CXorf58: variants seen among roughly 807,000 people sequenced by gnomAD.
CXorf58 encodes chromosome X open reading frame 58.
In CXorf58, 24 loss-of-function variants were observed where a neutral mutation model predicts 26.0. That is an observed-to-expected ratio of 0.92 (90% CI 0.67 to 1.30). The LOEUF (loss-of-function observed/expected upper bound fraction) is 1.30. Among genes scored for constraint, CXorf58 ranks in the 50% most tolerant of loss-of-function variants. The pLI is 0.00. For synonymous variants in CXorf58, 87 were observed against 86.1 expected (o/e 1.01, Z -0.06); for missense variants, 236 against 263.9 (o/e 0.89, Z 0.73).
intron 5 of CXorf58, among the ~76,000 whole-genome samples, chrX:23,921,925 A>G: frequency 9.2e-6 from 1 of 108,617 alleles, no homozygotes; most frequent in Non-Finnish European, 1.9e-5. Flanking sequence ...CTGATCTCGA[A>G]CTCCTGGCCT....
chrX:23,926,482 T>TA (rs764135099), intron 5 of CXorf58, among the ~76,000 whole-genome samples: 2 of 111,907 alleles, frequency 1.8e-5, no homozygotes, highest in South Asian at 7.4e-4. Flanking sequence ...TGTTTCCACT[T>TA]ACCAGCAGTG....
chrX:23,938,623 T>A lies in CXorf58; in HGVS notation c.862T>A (p.Ser288Thr), dbSNP rs779465209. 8.4e-7 allele frequency: 1 copy of A among 1,195,156 alleles called. No individual in the cohort carries two copies. Among genetic ancestry groups the A allele is most frequent in the South Asian group, 1.8e-5 (1 of 55,097 alleles). Residue 288 changes from serine to threonine, a missense_variant, in exon 8 of 9, where the codon TCC (serine) becomes ACC (threonine). Physicochemically the swap from Ser to Thr is moderately conservative, Grantham distance 58 (BLOSUM62 1). Transcript: ENST00000379211. ...QNQVKFLGRR[S>T]KQAQMKVEKM... ...TCAAGTTAAATTTCTGGGTCGTCGA[T>A]CCAAGCAAGCTCAAATGAAAGTTGA...
chrX:23,922,364 A>C (rs939683643), intron 5 of CXorf58, among the ~76,000 whole-genome samples: 7 of 111,320 alleles, frequency 6.3e-5, no homozygotes. Context: ...ACAGAGTGAG[A>C]GTCTGTCTCA....
At chrX:23,930,843 C>T (rs748616463) in intron 6 of CXorf58, among the ~76,000 whole-genome samples, 14 of 111,998 alleles carry the variant, frequency 1.3e-4, no homozygotes, top group Non-Finnish European at 2.6e-4. Flanking sequence ...ATCCTGTCAG[C>T]TCTTCCTCCG....
At chrX:23,933,216 G>A (rs1264845880) in intron 6 of CXorf58, among the ~76,000 whole-genome samples, 1 of 109,874 alleles carries the variant, frequency 9.1e-6, no homozygotes, top group Non-Finnish European at 1.9e-5. Flanking sequence ...ATGTGTATAT[G>A]TGAGTGTGAA....
At chrX:23,911,099 AT>A (rs1404041860) in intron 2 of CXorf58, among the ~76,000 whole-genome samples, 1 of 110,160 alleles carries the variant, frequency 9.1e-6, no homozygotes, top group African/African-American at 3.3e-5. Flanking sequence ...TGTAGCCTGC[AT>A]TTTGCCAGCC....
At chrX:23,924,061 G>A (rs893719327) in intron 5 of CXorf58, among the ~76,000 whole-genome samples, 11 of 111,270 alleles carry the variant, frequency 9.9e-5, no homozygotes, top group African/African-American at 2.0e-4. Context: ...GCAAGACTCC[G>A]TCTCAAAAAA....
intron 3 of CXorf58, among the ~76,000 whole-genome samples, chrX:23,912,096 C>T (rs1184135632): frequency 1.8e-5 from 2 of 110,289 alleles, no homozygotes; most frequent in African/African-American, 6.6e-5. Flanking sequence ...GGACTACAGG[C>T]ACCTGTCACC....
At chrX:23,928,834 A>T (rs866618705) in intron 6 of CXorf58, among the ~76,000 whole-genome samples, 13 of 111,263 alleles carry the variant, frequency 1.2e-4, no homozygotes, top group African/African-American at 3.9e-4. Flanking sequence ...CAATATTGAA[A>T]TTAGGCCAAT....
At chrX:23,930,937 A>C (rs1185768934) in intron 6 of CXorf58, among the ~76,000 whole-genome samples, 1 of 111,419 alleles carries the variant, frequency 9.0e-6, no homozygotes, top group South Asian at 3.7e-4. Context: ...TTTTTTTTTA[A>C]ATAATGCTGT....
chrX:23,937,833 A>G (rs1928332484), intron 7 of CXorf58, among the ~76,000 whole-genome samples: 1 of 111,097 alleles, frequency 9.0e-6, no homozygotes, highest in Non-Finnish European at 1.9e-5. Flanking sequence ...TGGACATAGC[A>G]TCTGATCCCA....
At position 23,938,705 on chromosome X, in the gene CXorf58, G is replaced by T. The variant is rs776221758; in HGVS notation, c.939+5G>T. 1 of 1,123,149 alleles carries T rather than the reference G, an allele frequency of 8.9e-7. No individual in the cohort carries two copies. The allele number at this position is 1,123,149 out of a possible 1,213,427, so 92.6% of individuals were successfully genotyped here. A position where few individuals can be genotyped will look rare whatever the true frequency, so the allele number is the denominator to read the frequency against. ...AAAAATACTTCTGAGGTGACTGTAA[G>T]TTTAACTTGTACTGAATTCATTGTT... On this transcript the variant is annotated splice_donor_5th_base_variant and intron_variant, in intron 8 of 8. Coordinates refer to ENST00000379211, the MANE Select transcript of CXorf58 (RefSeq NM_152761.3).
At chrX:23,910,079 A>G (rs1927533307) in intron 1 of CXorf58, among the ~76,000 whole-genome samples, 1 of 111,965 alleles carries the variant, frequency 8.9e-6, no homozygotes, top group South Asian at 3.6e-4. Context: ...AAGGCTATGG[A>G]TAGATTTACT....
At position 23,935,233 on chromosome X, in the gene CXorf58, G is replaced by A. The variant is rs753748456; in HGVS notation, c.593G>A (p.Gly198Asp). Residue 198 changes from glycine (G) to aspartate (D), a missense_variant, in exon 7 of 9, where the codon GGC becomes GAC. Transcript: ENST00000379211. ...TTCGATGAGGCCCCTGCATTTTCTG[G>A]CGGCAGAAATAACAGCTGGCGCAAA... ...SFFDEAPAFS[G>D]GRNNSWRKLN... 6 of 1,208,995 alleles carry A rather than the reference G, an allele frequency of 5.0e-6. No homozygotes were observed. Among genetic ancestry groups the A allele is most frequent in the Non-Finnish European group, 6.7e-6 (6 of 894,708 alleles).
chrX:23,922,690 T>A (rs1927901712), intron 5 of CXorf58, among the ~76,000 whole-genome samples: 1 of 112,675 alleles, frequency 8.9e-6, no homozygotes, highest in Non-Finnish European at 1.9e-5. Context: ...CATTTTGAGG[T>A]TAAAACAACC....
intron 5 of CXorf58, among the ~76,000 whole-genome samples, chrX:23,919,417 C>T (rs1025620785): frequency 3.6e-5 from 4 of 112,085 alleles, no homozygotes; most frequent in Admixed American, 9.5e-5. Flanking sequence ...TCTTTCTGCT[C>T]GATTATTTTT....
At chrX:23,925,011 A>G (rs1419383607) in intron 5 of CXorf58, among the ~76,000 whole-genome samples, 2 of 111,596 alleles carry the variant, frequency 1.8e-5, no homozygotes, top group Non-Finnish European at 3.8e-5. Context: ...CATGCTGGAA[A>G]AAAAAGAAGA....
intron 1 of CXorf58, among the ~76,000 whole-genome samples, chrX:23,908,831 T>C (rs1380195045): frequency 8.9e-6 from 1 of 112,152 alleles, no homozygotes; most frequent in Non-Finnish European, 1.9e-5. Context: ...TTGAAGAAAT[T>C]GGGTTTCTCA....
intron 5 of CXorf58, among the ~76,000 whole-genome samples, chrX:23,919,997 C>T (rs1405758969): frequency 8.9e-6 from 1 of 112,733 alleles, no homozygotes; most frequent in Non-Finnish European, 1.9e-5. Context: ...CTACTTTTCC[C>T]CCAATAAATG....
Sources: gnomAD v4.1 joint callset for allele counts (sites outside exome capture counted in the v4.1 genomes callset) on GRCh38, gnomAD v4.1.1 for gene constraint, MANE v1.5 for transcripts, NCBI Gene and HGNC (gene_info 2026-07-23, HGNC 2026-07-21) for gene names.